LRRN2: variants seen among roughly 807,000 people sequenced by gnomAD.
LRRN2 encodes leucine rich repeat neuronal 2, also known as leucine-rich repeat neuronal protein 2.
Under a neutral mutation model 35.7 loss-of-function variants are expected in LRRN2, and 10 were observed. That is an observed-to-expected ratio of 0.28 (90% CI 0.17 to 0.47). The LOEUF (loss-of-function observed/expected upper bound fraction) is 0.47, where lower values mean the gene tolerates loss of function less well. Among genes scored for constraint, LRRN2 ranks in the 20% least tolerant of loss-of-function variants. LRRN2 has a pLI of 0.99. For missense variants in LRRN2, 731 were observed against 940.3 expected (o/e 0.78, Z 2.91); for synonymous variants, 391 against 409.6 (o/e 0.95, Z 0.55).
At chr1:204,650,148 G>T (rs1668191965) in intron 1 of LRRN2, among the ~76,000 whole-genome samples, 1 of 152,248 alleles carries the variant, frequency 6.6e-6, no homozygotes, top group South Asian at 2.1e-4. Context: ...GCAGCTGAGG[G>T]TTAAGTGCCC....
At chr1:204,665,696 A>G (rs1668563517) in intron 1 of LRRN2, among the ~76,000 whole-genome samples, 1 of 152,174 alleles carries the variant, frequency 6.6e-6, no homozygotes, top group Non-Finnish European at 1.5e-5. Context: ...GGACAGTGGG[A>G]GCTGCTCAAG....
chr1:204,631,980 T>C (rs1347091326), intron 1 of LRRN2, among the ~76,000 whole-genome samples: 1 of 152,212 alleles, frequency 6.6e-6, no homozygotes, highest in African/African-American at 2.4e-5. Flanking sequence ...TCTCAGTGCT[T>C]TGGGAGGCCA....
At chr1:204,624,765 CCG>C (rs1303597848) in intron 1 of LRRN2, among the ~76,000 whole-genome samples, 3 of 141,476 alleles carry the variant, frequency 2.1e-5, no homozygotes, top group African/African-American at 7.6e-5. Context: ...ACCCCCCCCC[CCG>C]GGAGCTGAGG....
chr1:204,624,807 G>A (rs953279257), intron 1 of LRRN2, among the ~76,000 whole-genome samples: 23 of 144,700 alleles, frequency 1.6e-4, no homozygotes, highest in Admixed American at 1.4e-3. Context: ...GGTGGTGATC[G>A]ATTGCCTGGC....
chr1:204,677,444 G>A (rs1668848900), intron 1 of LRRN2, among the ~76,000 whole-genome samples: 1 of 152,166 alleles, frequency 6.6e-6, no homozygotes, highest in African/African-American at 2.4e-5. Context: ...AAGATCCAGG[G>A]AGAGGACACA....
intron 1 of LRRN2, among the ~76,000 whole-genome samples, chr1:204,624,363 G>C (rs1427327452): frequency 1.3e-5 from 2 of 152,164 alleles, no homozygotes; most frequent in Non-Finnish European, 1.5e-5. Flanking sequence ...TTTTTGCGCA[G>C]CCAGTGACTG....
chr1:204,628,386 G>C (rs1032266056), intron 1 of LRRN2: 4 of 152,218 alleles, frequency 2.6e-5, no homozygotes, highest in Non-Finnish European at 5.9e-5. Context: ...CCAGAGTCCT[G>C]TACTGGCTGT....
chr1:204,659,084 C>T (rs889038305), intron 1 of LRRN2, among the ~76,000 whole-genome samples: 1 of 152,186 alleles, frequency 6.6e-6, no homozygotes, highest in Non-Finnish European at 1.5e-5. Context: ...TCCTGGCAAG[C>T]TGAGAGTTGG....
In LRRN2 at chr1:204,619,558, T is replaced by G. The variant is rs1189514185; in HGVS notation, c.435A>C (p.Glu145Asp). 1 of 1,613,906 alleles carries G rather than the reference T, an allele frequency of 6.2e-7. No individual in the cohort carries two copies. Among genetic ancestry groups the G allele is most frequent in the East Asian group, 2.2e-5 (1 of 44,858 alleles). The stretch of plus-strand genomic sequence containing the variant: ...AGAGCTGGTTGTGGTTGAGATAGAG[T>G]TCCTGTAGGCTGGCCAGCCCTGCAA... Reference protein sequence around the residue: ...HSFAGLASLQELYLNHNQLYR... With the variant: ...HSFAGLASLQDLYLNHNQLYR... The change falls in exon 2 of 2, where the codon GAA (glutamate) becomes GAC (aspartate). Residue 145 changes from glutamate (E) to aspartate (D), a missense_variant. Physicochemically the swap from Glu to Asp is conservative, Grantham distance 45. Around this residue, in one of 3 missense-constraint regions of LRRN2, gnomAD observed 246 missense variants for 289.5 expected, o/e 0.85. Transcript: ENST00000367177.
intron 1 of LRRN2, among the ~76,000 whole-genome samples, chr1:204,633,482 C>G (rs1228258186): frequency 6.6e-6 from 1 of 152,156 alleles, no homozygotes; most frequent in Non-Finnish European, 1.5e-5. Context: ...CTTTATTTTT[C>G]CAGTGAGAGG....
intron 1 of LRRN2, among the ~76,000 whole-genome samples, chr1:204,624,766 C>T (rs934171626): frequency 8.9e-5 from 12 of 135,460 alleles, no homozygotes; most frequent in Non-Finnish European, 2.0e-4. Context: ...CCCCCCCCCC[C>T]GGGAGCTGAG....
At chr1:204,674,688 T>C (rs78696677) in intron 1 of LRRN2, among the ~76,000 whole-genome samples, 3,002 of 152,282 alleles carry the variant, frequency 0.02, 97 homozygotes, top group African/African-American at 0.063. Flanking sequence ...GGTCCTCTCC[T>C]TTCCCAGAGC....
At chr1:204,657,444 C>T (rs1315717865) in intron 1 of LRRN2, among the ~76,000 whole-genome samples, 1 of 151,726 alleles carries the variant, frequency 6.6e-6, no homozygotes, top group African/African-American at 2.4e-5. Flanking sequence ...CATGCTACAA[C>T]CTTTGAAAAC....
At chr1:204,644,802 A>C (rs1260111616) in intron 1 of LRRN2, among the ~76,000 whole-genome samples, 1 of 152,200 alleles carries the variant, frequency 6.6e-6, no homozygotes, top group Non-Finnish European at 1.5e-5. Flanking sequence ...TTGGGGTAAA[A>C]GAATAAACAA....
Position 204,618,936 on chromosome 1 carries a change from G to C in LRRN2, c.1057C>G (p.Gln353Glu). ...NNNALSALHQ[Q>E]TVESLPNLQE... Reference sequence around the variant, plus strand: ...AGGTTGGGCAGGGACTCCACCGTCTGCTGGTGCAAGGCACTGAGAGCGTTG... The same window carrying C: ...AGGTTGGGCAGGGACTCCACCGTCTCCTGGTGCAAGGCACTGAGAGCGTTG... The change falls in exon 2 of 2, where the codon CAG (glutamine) becomes GAG (glutamate). Residue 353 changes from glutamine to glutamate, a missense_variant. Coordinates refer to ENST00000367177, the MANE Select transcript of LRRN2 (RefSeq NM_201630.2). 6.2e-7 allele frequency: 1 copy of C among 1,614,128 alleles called. No individual in the cohort carries two copies. Among genetic ancestry groups the C allele is most frequent in the Non-Finnish European group, 8.5e-7 (1 of 1,180,008 alleles).
intron 1 of LRRN2, among the ~76,000 whole-genome samples, chr1:204,630,758 C>T (rs574219839): frequency 6.6e-6 from 1 of 152,236 alleles, no homozygotes; most frequent in African/African-American, 2.4e-5. Flanking sequence ...GGCAGTCCCT[C>T]TGCACTCCCC....
chr1:204,624,903 A>C (rs1034121194), intron 1 of LRRN2, among the ~76,000 whole-genome samples: 1 of 151,896 alleles, frequency 6.6e-6, no homozygotes, highest in African/African-American at 2.4e-5. Flanking sequence ...GCGTTGATAA[A>C]CTCCGGCCTC....
chr1:204,648,066 C>T (rs561673609), intron 1 of LRRN2, among the ~76,000 whole-genome samples: 4 of 152,292 alleles, frequency 2.6e-5, no homozygotes, highest in Non-Finnish European at 4.4e-5. Context: ...TCAAATCCCA[C>T]CTCCACCACT....
intron 1 of LRRN2, among the ~76,000 whole-genome samples, chr1:204,657,049 A>T (rs978800654): frequency 1.3e-5 from 2 of 152,202 alleles, no homozygotes; most frequent in Admixed American, 6.5e-5. Flanking sequence ...TCACGTCTGT[A>T]ATCCCAGCAC....
Sources: gnomAD v4.1 joint callset for allele counts (sites outside exome capture counted in the v4.1 genomes callset) on GRCh38, gnomAD v4.1.1 for gene constraint, gnomAD v4.1.1 regional missense constraint, MANE v1.5 for transcripts, NCBI Gene and HGNC (gene_info 2026-07-23, HGNC 2026-07-21) for gene names.